The following PRKCE variants were observed in gnomAD, a reference collection of about 807,000 sequenced individuals.
PRKCE encodes the protein protein kinase C epsilon type.
A neutral mutation model predicts 85.4 loss-of-function variants in PRKCE; 16 were observed. The ratio of observed to expected loss-of-function variants is 0.19; its 90% confidence interval spans 0.13 to 0.28. The LOEUF (loss-of-function observed/expected upper bound fraction) is 0.28. PRKCE is among the 10% of genes least tolerant of loss of function. The pLI is 1.00. For synonymous variants in PRKCE, 388 were observed against 371.5 expected (o/e 1.04, Z -0.51); for missense variants, 573 against 975.2 (o/e 0.59, Z 5.49).
rs986228911 is a variant in PRKCE, at chr2:45,811,865, G to A, written c.349-31135G>A. ...ATATTTTTAATATTAAATAAAAATT[G>A]TAAAATTATGCTAGCTGTTATAGAT... On this transcript the variant is annotated intron_variant, in intron 1 of 14. Coordinates refer to ENST00000306156, the MANE Select transcript of PRKCE (RefSeq NM_005400.3). Among the ~76,000 whole-genome samples the A allele has an allele frequency of 2.0e-5, 3 of 152,226 alleles. No homozygotes were observed. The East Asian group carries it at 5.8e-4, about 29-fold the overall frequency.
chr2:46,115,101 T>C (rs569134262), intron 11 of PRKCE, among the ~76,000 whole-genome samples: 1 of 152,308 alleles, frequency 6.6e-6, no homozygotes, highest in East Asian at 1.9e-4. Context: ...TGTTCCTGCT[T>C]GATCACAGTG....
intron 10 of PRKCE, among the ~76,000 whole-genome samples, chr2:46,079,473 C>T (rs1668863088): frequency 6.6e-6 from 1 of 152,164 alleles, no homozygotes; most frequent in African/African-American, 2.4e-5. Context: ...ATCTGGGCCC[C>T]CAGGAAAGAC....
At chr2:45,700,886 G>A (rs1418153080) in intron 1 of PRKCE, among the ~76,000 whole-genome samples, 1 of 152,194 alleles carries the variant, frequency 6.6e-6, no homozygotes, top group Non-Finnish European at 1.5e-5. Context: ...ACAGAGATAG[G>A]AGCTGTGCTC....
At chr2:45,942,800 C>T (rs1331167586) in intron 2 of PRKCE, among the ~76,000 whole-genome samples, 1 of 152,166 alleles carries the variant, frequency 6.6e-6, no homozygotes, top group Non-Finnish European at 1.5e-5. Context: ...TTATAGTACA[C>T]ATGTAACTAA....
chr2:45,876,200 G>A (rs1694467219), intron 2 of PRKCE, among the ~76,000 whole-genome samples: 1 of 152,174 alleles, frequency 6.6e-6, no homozygotes, highest in Non-Finnish European at 1.5e-5. Flanking sequence ...TGCCTAAGTG[G>A]TTTTAAATGA....
intron 10 of PRKCE, among the ~76,000 whole-genome samples, chr2:46,059,325 A>G (rs1666896307): frequency 6.6e-6 from 1 of 152,226 alleles, no homozygotes; most frequent in African/African-American, 2.4e-5. Flanking sequence ...CAAATAAAAT[A>G]GTATTAATGC....
chr2:45,692,572 T>C (rs948587206), intron 1 of PRKCE, among the ~76,000 whole-genome samples: 15 of 152,132 alleles, frequency 9.9e-5, no homozygotes, highest in African/African-American at 3.4e-4. Context: ...CTACATACAT[T>C]TTTAGGGGAC....
chr2:45,867,633 T>G (rs1252897470), intron 2 of PRKCE, among the ~76,000 whole-genome samples: 2 of 152,214 alleles, frequency 1.3e-5, no homozygotes, highest in Non-Finnish European at 2.9e-5. Flanking sequence ...CCTCATTGAT[T>G]TAGATCTTTG....
intron 10 of PRKCE, among the ~76,000 whole-genome samples, chr2:46,077,246 G>T (rs900488635): frequency 3.9e-5 from 6 of 151,950 alleles, no homozygotes; most frequent in African/African-American, 9.7e-5. Flanking sequence ...AGGAACTTTG[G>T]GAGGAGATGG....
chr2:45,721,458 C>A (rs571318784), intron 1 of PRKCE, among the ~76,000 whole-genome samples: 3 of 152,278 alleles, frequency 2.0e-5, no homozygotes, highest in African/African-American at 7.2e-5. Context: ...AGGTGGAATT[C>A]TCAGACGGAT....
intron 2 of PRKCE, among the ~76,000 whole-genome samples, chr2:45,966,992 T>C (rs1701776102): frequency 6.6e-6 from 1 of 152,144 alleles, no homozygotes; most frequent in Non-Finnish European, 1.5e-5. Flanking sequence ...ATACAGCCTG[T>C]TTTTGGAAAG....
At chr2:46,123,574 C>T (rs926046162) in intron 11 of PRKCE, among the ~76,000 whole-genome samples, 7 of 152,090 alleles carry the variant, frequency 4.6e-5, no homozygotes, top group Admixed American at 6.5e-5. Flanking sequence ...CTGCAATCTC[C>T]GCTTCCCAGG....
chr2:46,002,735 G>A (rs1178626029), intron 7 of PRKCE, among the ~76,000 whole-genome samples: 1 of 152,172 alleles, frequency 6.6e-6, no homozygotes, highest in African/African-American at 2.4e-5. Flanking sequence ...CCCTGGAATT[G>A]CAAGCAGAGT....
intron 14 of PRKCE, among the ~76,000 whole-genome samples, chr2:46,168,188 T>C (rs950685860): frequency 5.3e-5 from 8 of 152,146 alleles, no homozygotes; most frequent in African/African-American, 1.9e-4. Flanking sequence ...GGCACTTTCA[T>C]AAGCTCCTAA....
At chr2:46,037,314 C>G (rs760078016) in intron 10 of PRKCE, among the ~76,000 whole-genome samples, 21 of 152,204 alleles carry the variant, frequency 1.4e-4, no homozygotes, top group Admixed American at 8.5e-4. Context: ...GATAAGGATC[C>G]CAAACTCCAA....
At chr2:45,798,372 C>G (rs984950823) in intron 1 of PRKCE, among the ~76,000 whole-genome samples, 2 of 152,190 alleles carry the variant, frequency 1.3e-5, no homozygotes, top group Non-Finnish European at 2.9e-5. Context: ...TTTGGAAGCC[C>G]AAGCTCTCCC....
intron 11 of PRKCE, among the ~76,000 whole-genome samples, chr2:46,121,574 G>A (rs894271265): frequency 1.1e-4 from 16 of 152,186 alleles, no homozygotes; most frequent in Non-Finnish European, 2.1e-4. Flanking sequence ...TACAGGACCC[G>A]GCATGGTGCT....
chr2:46,180,381 T>C (rs1679852890), intron 14 of PRKCE, among the ~76,000 whole-genome samples: 1 of 152,272 alleles, frequency 6.6e-6, no homozygotes. Context: ...GACAAGCTCC[T>C]GAAGGGCCTC....
chr2:45,933,327 A>C (rs1402864202), intron 2 of PRKCE, among the ~76,000 whole-genome samples: 1 of 152,178 alleles, frequency 6.6e-6, no homozygotes, highest in Non-Finnish European at 1.5e-5. Flanking sequence ...GGAATGTATC[A>C]ATTTATCAGT....
Sources: gnomAD v4.1 joint callset for allele counts (sites outside exome capture counted in the v4.1 genomes callset) on GRCh38, gnomAD v4.1.1 for gene constraint, MANE v1.5 for transcripts, NCBI Gene and HGNC (gene_info 2026-07-23, HGNC 2026-07-21) for gene names.